The following NFIX variants were observed in gnomAD, a reference collection of about 807,000 sequenced individuals.
The protein encoded by NFIX is nuclear factor 1 X-type.
Under a neutral mutation model 53.3 loss-of-function variants are expected in NFIX, and 2 were observed. The ratio of observed to expected loss-of-function variants is 0.04; its 90% confidence interval spans 0.02 to 0.12. NFIX has a LOEUF of 0.12. Ranked by LOEUF, NFIX falls within the 10% of genes least tolerant of loss-of-function variation. The probability of loss-of-function intolerance (pLI) is 1.00; values close to 1 mark genes in which losing one functional copy is unlikely to be tolerated. For synonymous variants in NFIX, 244 were observed against 289.0 expected (o/e 0.84, Z 1.58); for missense variants, 310 against 674.5 (o/e 0.46, Z 5.99).
chr19:13,050,855 G>A (rs34720245), intron 2 of NFIX, among the ~76,000 whole-genome samples: 4,453 of 150,946 alleles, frequency 0.03, 127 homozygotes, highest in Admixed American at 0.087. Context: ...GGGGACATGC[G>A]ACCTGTCTTT....
rs148113217 is a variant in NFIX, at chr19:13,039,799, C to T, written c.559+14247C>T. On this transcript the variant is annotated intron_variant, in intron 2 of 10. Coordinates refer to ENST00000592199, the MANE Select transcript of NFIX (RefSeq NM_001365902.3). ...GTTTTATCCGCCTTTGCATCTGTCT[C>T]TCGCGCAGCTTATAGTTTTATACGC... is the stretch of plus-strand genomic sequence containing the variant. 1.2e-4 allele frequency among the ~76,000 whole-genome samples: 18 copies of T among 152,330 alleles called. 2 individuals carry two copies. The highest frequency in any genetic ancestry group is 4.3e-4 in the African/African-American group (18 of 41,570).
chr19:13,079,426 G>A (rs2017322690), intron 7 of NFIX, among the ~76,000 whole-genome samples: 2 of 152,206 alleles, frequency 1.3e-5, no homozygotes, highest in South Asian at 4.1e-4. Context: ...TCAGGCAGGA[G>A]GCTGTGGGAG....
At position 13,037,233 on chromosome 19, in the gene NFIX, CCTT is replaced by C. The variant is rs1170950889; in HGVS notation, c.559+11684_559+11686del. On this transcript the variant is annotated intron_variant, in intron 2 of 10. Transcript: ENST00000592199. The surrounding 1 kb of genome is among the most constrained non-coding windows in gnomAD (Gnocchi z 4.2). ...AGGGGAGCTACAGAGTCTTCCCTGT[CCTT>C]CTCTCTCCCAGGTGACCTCTACAGG... is the stretch of plus-strand genomic sequence containing the variant. Among the ~76,000 whole-genome samples, 1 of 152,144 alleles carries C rather than the reference CCTT, an allele frequency of 6.6e-6. No individual in the cohort carries two copies. The highest frequency in any genetic ancestry group is 6.5e-5 in the Admixed American group (1 of 15,282).
chr19:13,090,863 G>A lies in NFIX; in HGVS notation c.1494+473G>A, dbSNP rs1443194666. On this transcript the variant is annotated intron_variant, in intron 10 of 10. Transcript: ENST00000592199. This position sits in a 1 kb window ranked among gnomAD's most constrained non-coding sequence, Gnocchi z 6.6. ...GGGCTGCGTGCCCAGAACTGGCACT[G>A]AGGGCAGGGCAGGGCAGGCCGCCAC... Among the ~76,000 whole-genome samples, 3 of 152,212 alleles carry A rather than the reference G, an allele frequency of 2.0e-5. No individual in the cohort carries two copies. Among genetic ancestry groups the A allele is most frequent in the Admixed American group, 2.0e-4 (3 of 15,288 alleles).
intron 1 of NFIX, among the ~76,000 whole-genome samples, chr19:13,017,828 G>A (rs1174756901): frequency 6.6e-6 from 1 of 152,218 alleles, no homozygotes; most frequent in Non-Finnish European, 1.5e-5. Flanking sequence ...TCTTCAGAAA[G>A]AGTTATGAAG....
At position 13,013,991 on chromosome 19, in the gene NFIX, G is replaced by C. The variant is rs143490822; in HGVS notation, c.28-11030G>C. 1 of 152,258 alleles carries C rather than the reference G, an allele frequency of 6.6e-6. No homozygotes were observed. Among genetic ancestry groups the C allele is most frequent in the African/African-American group, 2.4e-5 (1 of 41,474 alleles). The allele number at this position is 152,258 out of a possible 1,614,324, so 9.4% of individuals were successfully genotyped here. A position where few individuals can be genotyped will look rare whatever the true frequency, so the allele number is the denominator to read the frequency against. On this transcript the variant is annotated intron_variant, in intron 1 of 10. Coordinates refer to ENST00000592199, the MANE Select transcript of NFIX (RefSeq NM_001365902.3). This position sits in a 1 kb window ranked among gnomAD's most constrained non-coding sequence, Gnocchi z 5.9. ...TTTGCCACGGCAAAGTCTGTAATCA[G>C]AGAAAAATACCAGCTTTGTTGAGGG... is the stretch of plus-strand genomic sequence containing the variant.
chr19:13,041,797 A>G (rs2014642549), intron 2 of NFIX, among the ~76,000 whole-genome samples: 1 of 132,510 alleles, frequency 7.5e-6, no homozygotes, highest in African/African-American at 3.8e-5. Flanking sequence ...CCGTCTCAAA[A>G]AAAAAAAAAA....
At position 13,078,775 on chromosome 19, in the gene NFIX, G is replaced by T. The variant is rs1343435205; in HGVS notation, c.1078+40G>T. ...GCCCCGGAGGGGGGCAGTTGGGGAG[G>T]TGGCTGAGTATCTAGGGGCAGCTGG... On this transcript the variant is annotated intron_variant, in intron 7 of 10. Coordinates refer to ENST00000592199, the MANE Select transcript of NFIX (RefSeq NM_001365902.3). The surrounding 1 kb of genome is among the most constrained non-coding windows in gnomAD (Gnocchi z 4.7). 4 of 1,564,416 alleles carry T rather than the reference G, an allele frequency of 2.6e-6. No individual in the cohort carries two copies. Among genetic ancestry groups the T allele is most frequent in the Non-Finnish European group, 3.4e-6 (4 of 1,160,146 alleles).
intron 6 of NFIX, among the ~76,000 whole-genome samples, chr19:13,076,527 C>G (rs1376632612): frequency 6.6e-6 from 1 of 152,122 alleles, no homozygotes; most frequent in Non-Finnish European, 1.5e-5. Context: ...CGCTGACGTG[C>G]CAGTGGTACA....
Position 12,995,747 on chromosome 19 carries a change from C to CGAGCCG in NFIX, c.-85_-80dup, listed in dbSNP as rs908438995. 10 of 391,830 alleles carry CGAGCCG rather than the reference C, an allele frequency of 2.6e-5. No individual in the cohort carries two copies. The highest frequency in any genetic ancestry group is 1.0e-4 in the South Asian group (1 of 9,690). 24.3% of individuals were successfully genotyped at this position (391,830 alleles called of 1,614,324 possible). ...GCAGCGCGGCGGAGGCCGGAGGAGC[C>CGAGCCG]GAGCCGGAGCCCGAGCCCGAGCGCG... On this transcript the variant is annotated 5_prime_UTR_variant, in exon 1 of 11. Transcript: ENST00000592199.
At chr19:13,017,122 C>G (rs1469492225) in intron 1 of NFIX, among the ~76,000 whole-genome samples, 2 of 152,234 alleles carry the variant, frequency 1.3e-5, no homozygotes, top group African/African-American at 4.8e-5. Context: ...AGGGAGACTT[C>G]CCGTGCAAAC....
rs545802205 is a variant in NFIX at position 13,001,067 on chromosome 19, A to T, written c.27+5203A>T. On this transcript the variant is annotated intron_variant, in intron 1 of 10. Transcript: ENST00000592199. The surrounding 1 kb of genome is among the most constrained non-coding windows in gnomAD (Gnocchi z 6.5). The stretch of plus-strand genomic sequence containing the variant: ...CACTTTCTCCAACACGGTGCTGAGA[A>T]TGGGCCTTCTGTCCCCTCCCTCCCA... Among the ~76,000 whole-genome samples, 1 of 152,186 alleles carries T rather than the reference A, an allele frequency of 6.6e-6. No homozygotes were observed. Among genetic ancestry groups the T allele is most frequent in the Admixed American group, 6.5e-5 (1 of 15,302 alleles).
Position 13,089,194 on chromosome 19 carries a change from G to A in NFIX, c.1402+1058G>A, listed in dbSNP as rs1183509347. Among the ~76,000 whole-genome samples the A allele has an allele frequency of 2.0e-5, 3 of 152,330 alleles. No individual in the cohort carries two copies. Among genetic ancestry groups the A allele is most frequent in the East Asian group, 3.9e-4 (2 of 5,194 alleles). ...CAGTCATTGGAGGTGGGCAGGGTGG[G>A]GGATGGGAGCTGGGCTACAGGGTTC... On this transcript the variant is annotated intron_variant, in intron 9 of 10. Transcript: ENST00000592199. This position sits in a 1 kb window ranked among gnomAD's most constrained non-coding sequence, Gnocchi z 4.8.
At chr19:12,999,758 G>A (rs1363038508) in intron 1 of NFIX, among the ~76,000 whole-genome samples, 1 of 152,206 alleles carries the variant, frequency 6.6e-6, no homozygotes, top group African/African-American at 2.4e-5. Context: ...GGGCTTCCCT[G>A]ATGCCCCCTT....
chr19:13,084,024 A>T (rs2017629046), intron 8 of NFIX, among the ~76,000 whole-genome samples: 1 of 152,258 alleles, frequency 6.6e-6, no homozygotes, highest in South Asian at 2.1e-4. Flanking sequence ...CATCTGATGC[A>T]GCAGGTCTGG....
At position 13,081,657 on chromosome 19, in the gene NFIX, T is replaced by C; in HGVS notation, c.1079-23T>C. On this transcript the variant is annotated intron_variant, in intron 7 of 10. Coordinates refer to ENST00000592199, the MANE Select transcript of NFIX (RefSeq NM_001365902.3). This position sits in a 1 kb window ranked among gnomAD's most constrained non-coding sequence, Gnocchi z 4.7. ...TGCCTCCTTGGCCCTGACGCCCTTT[T>C]TTCCCTGCCCACGTGCATGCAGGGA... 1.9e-6 allele frequency: 3 copies of C among 1,608,608 alleles called. No homozygotes were observed. Among genetic ancestry groups the C allele is most frequent in the African/African-American group, 1.3e-5 (1 of 74,918 alleles).
At chr19:13,083,523 A>G (rs2017594347) in intron 8 of NFIX, among the ~76,000 whole-genome samples, 1 of 151,910 alleles carries the variant, frequency 6.6e-6, no homozygotes, top group Non-Finnish European at 1.5e-5. Context: ...ACTGTTCAAG[A>G]TTGAGGACTC....
intron 2 of NFIX, among the ~76,000 whole-genome samples, chr19:13,039,787 T>A (rs2014487987): frequency 6.6e-6 from 1 of 152,188 alleles, no homozygotes; most frequent in Admixed American, 6.5e-5. Context: ...TTATCCGCCT[T>A]TGCATCTGTC....
At chr19:13,007,926 C>T (rs2012118084) in intron 1 of NFIX, among the ~76,000 whole-genome samples, 1 of 152,124 alleles carries the variant, frequency 6.6e-6, no homozygotes, top group African/African-American at 2.4e-5. Flanking sequence ...CCTGAATGGA[C>T]ACACAGACAC....
Sources: allele counts gnomAD v4.1 joint callset (sites outside exome capture counted in the v4.1 genomes callset), GRCh38; gene constraint gnomAD v4.1.1; non-coding constraint Gnocchi (gnomAD v3.1); transcripts MANE v1.5; gene names NCBI Gene and HGNC (gene_info 2026-07-23, HGNC 2026-07-21).